NDRG1: variants seen among roughly 807,000 people sequenced by gnomAD.
NDRG1 encodes the protein N-myc downstream regulated 1.
A neutral mutation model predicts 56.9 loss-of-function variants in NDRG1; 32 were observed. That is an observed-to-expected ratio of 0.56 (90% CI 0.42 to 0.76). The LOEUF (loss-of-function observed/expected upper bound fraction) is 0.76, where lower values mean the gene tolerates loss of function less well. Among genes scored for constraint, NDRG1 ranks in the 30% least tolerant of loss-of-function variants. The probability of loss-of-function intolerance (pLI) is 0.00; values close to 1 mark genes in which losing one functional copy is unlikely to be tolerated. For synonymous variants in NDRG1, 211 were observed against 204.1 expected, an observed-to-expected ratio of 1.03 and a Z score of -0.29; for missense variants, 507 against 545.7, an observed-to-expected ratio of 0.93 and a Z score of 0.71.
chr8:133,283,908 G>C (rs1431812571), intron 2 of NDRG1, among the ~76,000 whole-genome samples: 1 of 152,200 alleles, frequency 6.6e-6, no homozygotes, highest in Non-Finnish European at 1.5e-5. Context: ...AAAGCTGAGA[G>C]AACCTCTGGT....
intron 9 of NDRG1, among the ~76,000 whole-genome samples, chr8:133,250,748 G>A (rs1330916630): frequency 6.6e-6 from 1 of 151,976 alleles, no homozygotes; most frequent in Non-Finnish European, 1.5e-5. Context: ...TCCGCTGGGA[G>A]CAGAAAAGAC....
chr8:133,248,064 C>T, intron 11 of NDRG1, 138 bp from the exon 12 acceptor site: 1 of 797,158 alleles, frequency 1.3e-6, no homozygotes. Flanking sequence ...TCTTTTACTT[C>T]ATTCTCCTTT....
intron 3 of NDRG1, among the ~76,000 whole-genome samples, chr8:133,277,371 C>T (rs1472695547): frequency 6.6e-6 from 1 of 152,122 alleles, no homozygotes; most frequent in African/African-American, 2.4e-5. Context: ...CGAGACCAGA[C>T]TGGCCAACAT....
At chr8:133,252,410 A>G (rs1856103369) in intron 9 of NDRG1, among the ~76,000 whole-genome samples, 1 of 152,154 alleles carries the variant, frequency 6.6e-6, no homozygotes, top group South Asian at 2.1e-4. Flanking sequence ...TCGCTGTTCT[A>G]AGCCATCCTG....
At chr8:133,280,322 T>A in intron 2 of NDRG1, 55 bp from the exon 3 acceptor site, 2 of 1,560,170 alleles carry the variant, frequency 1.3e-6, no homozygotes, top group Non-Finnish European at 1.8e-6. Flanking sequence ...GTAAGAGAAA[T>A]AATATTGGGA....
At chr8:133,250,186 C>T (rs746252036) in intron 10 of NDRG1, among the ~76,000 whole-genome samples, 3 of 152,308 alleles carry the variant, frequency 2.0e-5, no homozygotes, top group Middle Eastern at 3.4e-3. Context: ...TGTGCGACTG[C>T]GTCCCTCTCA....
At chr8:133,258,597 C>A (rs941548631) in intron 6 of NDRG1, among the ~76,000 whole-genome samples, 171 bp from the exon 7 acceptor site, 1 of 152,196 alleles carries the variant, frequency 6.6e-6, no homozygotes, top group Non-Finnish European at 1.5e-5. Context: ...GGACAGAGAC[C>A]TCGACCTTGG....
At chr8:133,294,583 TCAGGTC>T (rs1858626151) in intron 1 of NDRG1, among the ~76,000 whole-genome samples, 1 of 151,980 alleles carries the variant, frequency 6.6e-6, no homozygotes, top group Admixed American at 6.6e-5. Flanking sequence ...TATCTTTCTT[TCAGGTC>T]CATGAGGAGG....
At position 133,237,439 on chromosome 8, in the gene NDRG1, A is replaced by T. The variant is rs1855114709; in HGVS notation, c.*1439T>A. On this transcript the variant is annotated 3_prime_UTR_variant, in exon 16 of 16. Coordinates refer to ENST00000323851, the MANE Select transcript of NDRG1 (RefSeq NM_006096.4). ...AGAAATCCTCGGGTCCCAGTGGCTG[A>T]CTTACAATATTCAATTCACTCTGAC... The T allele has an allele frequency of 4.3e-6, 1 of 232,368 alleles. No homozygotes were observed. Among genetic ancestry groups the T allele is most frequent in the Admixed American group, 5.6e-5 (1 of 17,752 alleles). 14.4% of individuals were successfully genotyped at this position (232,368 alleles called of 1,614,324 possible).
chr8:133,247,766 T>C, intron 12 of NDRG1, 109 bp downstream of exon 12: 1 of 1,185,418 alleles, frequency 8.4e-7, no homozygotes, highest in African/African-American at 1.5e-5. Context: ...AAACATCACC[T>C]GCCCTGATGG....
intron 1 of NDRG1, among the ~76,000 whole-genome samples, chr8:133,291,957 G>A (rs1858453965): frequency 6.6e-6 from 1 of 152,224 alleles, no homozygotes; most frequent in South Asian, 2.1e-4. Context: ...ACAGCAGGAA[G>A]AGGGAGGTGT....
rs1856826865 is a variant in NDRG1, at chr8:133,264,657, G to A, written c.100-5C>T. The A allele has an allele frequency of 1.2e-6, 2 of 1,613,618 alleles. No homozygotes were observed. The highest frequency in any genetic ancestry group is 2.2e-5 in the East Asian group (1 of 44,878). On this transcript the variant is annotated splice_polypyrimidine_tract_variant and splice_region_variant and intron_variant, in intron 3 of 15. Coordinates refer to ENST00000323851, the MANE Select transcript of NDRG1 (RefSeq NM_006096.4). ...TAAAGTCTCGATGTCCTGCTCCTGAGGAGACACAGCAGACAGTGGGCTGGT... is the reference window on the plus strand; with the variant it reads ...TAAAGTCTCGATGTCCTGCTCCTGAAGAGACACAGCAGACAGTGGGCTGGT...
At chr8:133,292,389 A>C (rs905902286) in intron 1 of NDRG1, among the ~76,000 whole-genome samples, 3 of 152,116 alleles carry the variant, frequency 2.0e-5, no homozygotes, top group Admixed American at 6.5e-5. Flanking sequence ...TTACTTCCTT[A>C]ATCAGTGGAG....
Position 133,294,824 on chromosome 8 carries a change from T to G in NDRG1, c.-19+2310A>C, listed in dbSNP as rs543109582. ...GCTCTGCCCCTTTGGCCTCAAAAGT[T>G]TCCTCACCAGAAATTCAATGAAGAT... is the stretch of plus-strand genomic sequence containing the variant. On this transcript the variant is annotated intron_variant, in intron 1 of 15. Coordinates refer to ENST00000323851, the MANE Select transcript of NDRG1 (RefSeq NM_006096.4). 8.5e-5 allele frequency among the ~76,000 whole-genome samples: 13 copies of G among 152,304 alleles called. No individual in the cohort carries two copies. The East Asian group carries it at 2.3e-3, about 27-fold the overall frequency.
intron 3 of NDRG1, 70 bp from the exon 4 acceptor site, chr8:133,264,722 A>ACGC: frequency 1.5e-6 from 2 of 1,307,628 alleles, no homozygotes; most frequent in Non-Finnish European, 2.2e-6. Flanking sequence ...GAAGACAGCC[A>ACGC]GCCTGTTTCC....
chr8:133,261,949 A>G, intron 5 of NDRG1, 98 bp downstream of exon 5: 1 of 1,444,472 alleles, frequency 6.9e-7, no homozygotes, highest in Non-Finnish European at 9.3e-7. Flanking sequence ...TTTATATTTT[A>G]CCACAGTTAA....
chr8:133,283,533 A>C (rs1259062622), intron 2 of NDRG1, among the ~76,000 whole-genome samples: 1 of 152,190 alleles, frequency 6.6e-6, no homozygotes, highest in Non-Finnish European at 1.5e-5. Flanking sequence ...TCCAACAGGA[A>C]GAGCTCTGTT....
intron 3 of NDRG1, among the ~76,000 whole-genome samples, chr8:133,268,888 C>A (rs1055342813): frequency 6.7e-6 from 1 of 150,154 alleles, no homozygotes; most frequent in Non-Finnish European, 1.5e-5. Flanking sequence ...CACACACACA[C>A]AACAAACACA....
At chr8:133,241,767 T>C in intron 15 of NDRG1, 1 of 584,428 alleles carries the variant, frequency 1.7e-6, no homozygotes, top group South Asian at 2.0e-5. Flanking sequence ...GGGACAGTCC[T>C]CATCTAAACC....
Sources: gnomAD v4.1 joint callset for allele counts (sites outside exome capture counted in the v4.1 genomes callset) on GRCh38, gnomAD v4.1.1 for gene constraint, MANE v1.5 for transcripts, NCBI Gene and HGNC (gene_info 2026-07-23, HGNC 2026-07-21) for gene names.